The following ZNF585A variants were observed in gnomAD, a reference collection of about 807,000 sequenced individuals.
ZNF585A encodes zinc finger protein 585A.
In ZNF585A, 9 loss-of-function variants were observed where a neutral mutation model predicts 14.9. That is an observed-to-expected ratio of 0.60 (90% CI 0.36 to 1.05). ZNF585A has a LOEUF of 1.05. Among genes scored for constraint, ZNF585A ranks in the 50% least tolerant of loss-of-function variants. ZNF585A has a pLI of 0.01. For missense variants in ZNF585A, 726 were observed against 926.4 expected, an observed-to-expected ratio of 0.78 and a Z score of 2.81; for synonymous variants, 276 against 319.9, an observed-to-expected ratio of 0.86 and a Z score of 1.46.
At chr19:37,168,077 C>G (rs10401525) in intron 2 of ZNF585A, among the ~76,000 whole-genome samples, 25,086 of 152,078 alleles carry the variant, frequency 0.16, 2,315 homozygotes, top group African/African-American at 0.25. Flanking sequence ...TAATATAGTT[C>G]AAAAATACAT....
At chr19:37,167,582 CTT>C (rs1972112374) in intron 2 of ZNF585A, among the ~76,000 whole-genome samples, 4 of 145,784 alleles carry the variant, frequency 2.7e-5, no homozygotes, top group African/African-American at 1.1e-4. Context: ...GAGCCTTTTA[CTT>C]TTTATTTTTA....
Position 37,156,301 on chromosome 19 carries a change from G to C in ZNF585A, c.127C>G (p.His43Asp). Residue 43 changes from histidine to aspartate, a missense_variant, in exon 3 of 5, where the codon CAC becomes GAC. Transcript: ENST00000292841. Reference protein sequence around the residue: ...AIDFSREEWRHLDPSQRNLYR... With the variant: ...AIDFSREEWRDLDPSQRNLYR... ...AGGTTTCTCTGAGAAGGGTCCAGGT[G>C]CCGCCATTCCTCTCTGCTGAAATCG... 1 of 1,614,148 alleles carries C rather than the reference G, an allele frequency of 6.2e-7. No individual in the cohort carries two copies. Among genetic ancestry groups the C allele is most frequent in the Non-Finnish European group, 8.5e-7 (1 of 1,180,038 alleles).
rs1404414504 is a variant in ZNF585A, at chr19:37,152,493, T to G, written c.1406A>C (p.Asn469Thr). ...IHTGEKPYMC[N>T]KCGKAFTNRS... ...GTTGGTGAATGCCTTCCCACATTTA[T>G]TGCACATATAGGGCTTTTCTCCTGT... The change falls in exon 5 of 5, where the codon AAT becomes ACT. Residue 469 changes from asparagine (N) to threonine (T), a missense_variant. Around this residue, in one of 2 missense-constraint regions of ZNF585A, gnomAD observed 243 missense variants for 383.6 expected, o/e 0.63. Transcript: ENST00000292841. 1.8e-5 allele frequency: 29 copies of G among 1,614,054 alleles called. No homozygotes were observed. The highest frequency in any genetic ancestry group is 2.5e-5 in the Non-Finnish European group (29 of 1,180,036).
rs538066876 is a variant in ZNF585A, at chr19:37,161,272, A to G, written c.73-4917T>C. 2.6e-5 allele frequency among the ~76,000 whole-genome samples: 4 copies of G among 152,304 alleles called. No homozygotes were observed. In the East Asian group the frequency reaches 7.7e-4, roughly 29 times the overall value. On this transcript the variant is annotated intron_variant, in intron 2 of 4. Transcript: ENST00000292841. ...GCAAACTGAATTCAAGAATCACTAAAAAGAATCACGTACCACAATAAACTG... is the reference window on the plus strand; with the variant it reads ...GCAAACTGAATTCAAGAATCACTAAGAAGAATCACGTACCACAATAAACTG...
intron 2 of ZNF585A, among the ~76,000 whole-genome samples, chr19:37,164,577 G>A (rs1972059586): frequency 6.6e-6 from 1 of 151,922 alleles, no homozygotes; most frequent in Non-Finnish European, 1.5e-5. Flanking sequence ...CTTTTCAAGT[G>A]CCTATACAAC....
chr19:37,154,512 A>G lies in ZNF585A; in HGVS notation c.293-906T>C, dbSNP rs543429409. On this transcript the variant is annotated intron_variant, in intron 4 of 4. Coordinates refer to ENST00000292841, the MANE Select transcript of ZNF585A (RefSeq NM_001288800.2). ...ACTATGATTAAACTCAAACCTCATC[A>G]GGTAAACTATAAAAATAAAGCAATC... Among the ~76,000 whole-genome samples the G allele has an allele frequency of 2.0e-5, 3 of 152,282 alleles. No homozygotes were observed. The East Asian group carries it at 5.8e-4, about 29-fold the overall frequency.
In ZNF585A at chr19:37,152,445, T is replaced by C; in HGVS notation, c.1454A>G (p.Gln485Arg). The change falls in exon 5 of 5, where the codon CAG becomes CGG. Residue 485 changes from glutamine (Q) to arginine (R), a missense_variant. By Grantham distance (43) the Gln-to-Arg change is conservative. Transcript: ENST00000292841. ...AGATTTCTCTCCTGTATGAGTTTTC[T>C]GATGTGTAATGAGATTTGACCGGTT... is the stretch of plus-strand genomic sequence containing the variant. ...FTNRSNLITH[Q>R]KTHTGEKSYI... 1 of 1,614,148 alleles carries C rather than the reference T, an allele frequency of 6.2e-7. No individual in the cohort carries two copies. Among genetic ancestry groups the C allele is most frequent in the South Asian group, 1.1e-5 (1 of 91,074 alleles).
chr19:37,153,141 T>A lies in ZNF585A; in HGVS notation c.758A>T (p.Gln253Leu). The A allele has an allele frequency of 6.2e-7, 1 of 1,614,164 alleles. No individual in the cohort carries two copies. The highest frequency in any genetic ancestry group is 1.1e-5 in the South Asian group (1 of 91,086). The change falls in exon 5 of 5, where the codon CAA (glutamine) becomes CTA (leucine). Residue 253 changes from glutamine to leucine, a missense_variant. By Grantham distance (113) the Gln-to-Leu change is moderately radical. Coordinates refer to ENST00000292841, the MANE Select transcript of ZNF585A (RefSeq NM_001288800.2). ...ECTDCGKAFT[Q>L]KSTLKMHQKI... ...CTGATGCATCTTGAGTGTGGACTTT[T>A]GTGTGAATGCTTTGCCACAGTCAGT... is the stretch of plus-strand genomic sequence containing the variant.
Position 37,149,614 on chromosome 19 carries a change from C to T in ZNF585A, c.*1975G>A, listed in dbSNP as rs187468195. The T allele has an allele frequency of 7.6e-4, 115 of 152,206 alleles. No homozygotes were observed. Among genetic ancestry groups the T allele is most frequent in the African/African-American group, 2.7e-3 (111 of 41,536 alleles). 9.4% of individuals were successfully genotyped at this position (152,206 alleles called of 1,614,324 possible). Reference sequence around the variant, plus strand: ...TTTTACAAGTGAGAAAATTGAGGCCCAGAGGAGGTTTCTGGGCAGGCTGAG... The same window carrying T: ...TTTTACAAGTGAGAAAATTGAGGCCTAGAGGAGGTTTCTGGGCAGGCTGAG... On this transcript the variant is annotated 3_prime_UTR_variant, in exon 5 of 5. Transcript: ENST00000292841.
At chr19:37,168,280 C>T (rs561360177) in intron 2 of ZNF585A, among the ~76,000 whole-genome samples, 6 of 152,092 alleles carry the variant, frequency 3.9e-5, no homozygotes, top group Admixed American at 2.0e-4. Flanking sequence ...AGCCCCTGAC[C>T]GCTGAGAGTT....
At chr19:37,163,124 C>T (rs1972035895) in intron 2 of ZNF585A, among the ~76,000 whole-genome samples, 1 of 151,978 alleles carries the variant, frequency 6.6e-6, no homozygotes. Flanking sequence ...GGAATCAAGA[C>T]AATGTCATGT....
At chr19:37,170,135 C>T (rs996753983) in intron 1 of ZNF585A, 81 bp from the exon 2 acceptor site, 2 of 484,122 alleles carry the variant, frequency 4.1e-6, no homozygotes, top group African/African-American at 3.8e-5. Context: ...GTGCAGGTCC[C>T]TGAGCTAGAA....
intron 2 of ZNF585A, among the ~76,000 whole-genome samples, chr19:37,160,971 G>A (rs903121741): frequency 2.6e-5 from 4 of 151,952 alleles, no homozygotes; most frequent in Admixed American, 1.3e-4. Flanking sequence ...GGGCTCAAGC[G>A]ATCCTCCTGC....
At chr19:37,169,244 A>C (rs527259821) in intron 2 of ZNF585A, among the ~76,000 whole-genome samples, 1 of 152,274 alleles carries the variant, frequency 6.6e-6, no homozygotes, top group African/African-American at 2.4e-5. Context: ...AATCAAAAAG[A>C]ATATTTAGAA....
In ZNF585A at chr19:37,147,505, G is replaced by C. The variant is rs1971757805; in HGVS notation, c.*4084C>G. 6.6e-6 allele frequency: 1 copy of C among 152,120 alleles called. No homozygotes were observed. Among genetic ancestry groups the C allele is most frequent in the South Asian group, 2.1e-4 (1 of 4,828 alleles). 9.4% of individuals were successfully genotyped at this position (152,120 alleles called of 1,614,324 possible). ...CTACAAACATTAAATGCAACTACGTGAAAGTAGAAATAACCAAAATATTAT... is the reference window on the plus strand; with the variant it reads ...CTACAAACATTAAATGCAACTACGTCAAAGTAGAAATAACCAAAATATTAT... On this transcript the variant is annotated 3_prime_UTR_variant, in exon 5 of 5. Coordinates refer to ENST00000292841, the MANE Select transcript of ZNF585A (RefSeq NM_001288800.2).
Position 37,152,562 on chromosome 19 carries a change from A to G in ZNF585A, c.1337T>C (p.Leu446Ser). ...KPHKCGHCGK[L>S]FTSKSQLHVH... ...ATGGAGTTGCGACTTGGAGGTAAAC[A>G]ATTTCCCACAGTGACCACATTTATG... The change falls in exon 5 of 5, where the codon TTG becomes TCG. Residue 446 changes from leucine to serine, a missense_variant. Physicochemically the swap from Leu to Ser is moderately radical, Grantham distance 145. Coordinates refer to ENST00000292841, the MANE Select transcript of ZNF585A (RefSeq NM_001288800.2). The G allele has an allele frequency of 6.2e-7, 1 of 1,614,056 alleles. No homozygotes were observed. The highest frequency in any genetic ancestry group is 8.5e-7 in the Non-Finnish European group (1 of 1,179,974).
chr19:37,164,792 C>T (rs1162339790), intron 2 of ZNF585A, among the ~76,000 whole-genome samples: 3 of 152,130 alleles, frequency 2.0e-5, no homozygotes. Flanking sequence ...CAATCTCAGC[C>T]TCCCAAGTAG....
chr19:37,164,454 G>A (rs563538846), intron 2 of ZNF585A, among the ~76,000 whole-genome samples: 1 of 152,014 alleles, frequency 6.6e-6, no homozygotes, highest in Admixed American at 6.6e-5. Context: ...TACATTTGTG[G>A]TGGGAAACTT....
At chr19:37,170,419 G>A (rs1404893386) in intron 1 of ZNF585A, among the ~76,000 whole-genome samples, 3 of 152,226 alleles carry the variant, frequency 2.0e-5, no homozygotes, top group Non-Finnish European at 4.4e-5. Context: ...AAAGTCATGA[G>A]AGATGGAGTA....
Sources: allele counts gnomAD v4.1 joint callset (sites outside exome capture counted in the v4.1 genomes callset), GRCh38; gene constraint gnomAD v4.1.1; regional missense constraint gnomAD v4.1.1; transcripts MANE v1.5; gene names NCBI Gene and HGNC (gene_info 2026-07-23, HGNC 2026-07-21).